The following TNRC6A variants were observed in gnomAD, a reference collection of about 807,000 sequenced individuals.
The protein encoded by TNRC6A is trinucleotide repeat containing adaptor 6A, also known as trinucleotide repeat-containing gene 6A protein.
TNRC6A carries 44 observed loss-of-function variants against 221.2 expected under a neutral mutation model. The observed-to-expected ratio is 0.20, with a 90% confidence interval of 0.16 to 0.26. The LOEUF (loss-of-function observed/expected upper bound fraction) is 0.26, where lower values mean the gene tolerates loss of function less well. Among genes scored for constraint, TNRC6A ranks in the 10% least tolerant of loss-of-function variants. The probability of loss-of-function intolerance (pLI) is 1.00; values close to 1 mark genes in which losing one functional copy is unlikely to be tolerated. For synonymous variants in TNRC6A, 847 were observed against 838.5 expected, an observed-to-expected ratio of 1.01 and a Z score of -0.18; for missense variants, 2,199 against 2,404.4, an observed-to-expected ratio of 0.91 and a Z score of 1.79.
chr16:24,785,633 A>G (rs1260835947), intron 5 of TNRC6A, among the ~76,000 whole-genome samples: 1 of 152,208 alleles, frequency 6.6e-6, no homozygotes, highest in Admixed American at 6.5e-5. Context: ...ACTGGACCAA[A>G]TAGTAGTATT....
intron 2 of TNRC6A, chr16:24,661,636 T>G (rs1808493900): frequency 6.6e-6 from 1 of 152,184 alleles, no homozygotes; most frequent in African/African-American, 2.4e-5. Flanking sequence ...ATGGTCTCGA[T>G]CTCTTCACAT....
At chr16:24,807,192 T>G (rs2058452019) in intron 17 of TNRC6A, among the ~76,000 whole-genome samples, 1 of 151,920 alleles carries the variant, frequency 6.6e-6, no homozygotes, top group Non-Finnish European at 1.5e-5. Context: ...TTTAATAGAT[T>G]TGGGGTTTCA....
chr16:24,785,933 T>A (rs2057956591), intron 5 of TNRC6A, among the ~76,000 whole-genome samples: 1 of 152,170 alleles, frequency 6.6e-6, no homozygotes, highest in Non-Finnish European at 1.5e-5. Flanking sequence ...TGTTTTGGAT[T>A]TGCTGTGCAC....
At chr16:24,688,784 C>A (rs2055692497) in intron 2 of TNRC6A, among the ~76,000 whole-genome samples, 1 of 152,148 alleles carries the variant, frequency 6.6e-6, no homozygotes, top group Non-Finnish European at 1.5e-5. Flanking sequence ...AGGAATGAAC[C>A]AAGGGAAATG....
intron 2 of TNRC6A, among the ~76,000 whole-genome samples, chr16:24,643,997 TC>T (rs1410937429): frequency 2.6e-5 from 4 of 151,422 alleles, no homozygotes; most frequent in African/African-American, 9.7e-5. Context: ...TACATAATTC[TC>T]CCAGCAGGAA....
intron 2 of TNRC6A, among the ~76,000 whole-genome samples, chr16:24,719,385 G>A (rs2056371339): frequency 1.3e-5 from 2 of 152,126 alleles, no homozygotes; most frequent in African/African-American, 4.8e-5. Flanking sequence ...ATCAGTTGGT[G>A]CTGGGCTTGC....
chr16:24,729,702 G>A lies in TNRC6A; in HGVS notation c.-140G>A. 1.9e-6 allele frequency: 2 copies of A among 1,043,184 alleles called. No individual in the cohort carries two copies. The highest frequency in any genetic ancestry group is 3.1e-5 in the South Asian group (1 of 31,854). The allele number at this position is 1,043,184 out of a possible 1,614,324, so 64.6% of individuals were successfully genotyped here. On this transcript the variant is annotated 5_prime_UTR_variant, in exon 1 of 25. Coordinates refer to ENST00000395799, the MANE Select transcript of TNRC6A (RefSeq NM_014494.4). ...GGCGGTGTCGGCGGCGGCGGCGGCG[G>A]CGGCGGCGGCGGCGGCAGCGGGTCG...
In TNRC6A at chr16:24,804,688, TC is replaced by T; in HGVS notation, c.3838-16del. ...TTGCTTGGCTGGTGTTGCACATCTTTCTGTCTGTCCAATCAGGATGGCATTG... is the reference window on the plus strand; with the variant it reads ...TTGCTTGGCTGGTGTTGCACATCTTTTGTCTGTCCAATCAGGATGGCATTG... On this transcript the variant is annotated splice_polypyrimidine_tract_variant and intron_variant, in intron 12 of 24. Coordinates refer to ENST00000395799, the MANE Select transcript of TNRC6A (RefSeq NM_014494.4). 1 of 1,562,676 alleles carries T rather than the reference TC, an allele frequency of 6.4e-7. No homozygotes were observed. Among genetic ancestry groups the T allele is most frequent in the African/African-American group, 1.4e-5 (1 of 72,420 alleles).
At chr16:24,806,381 A>T (rs1461454354) in intron 16 of TNRC6A, 98 bp downstream of exon 16, 5 of 1,482,926 alleles carry the variant, frequency 3.4e-6, no homozygotes, top group African/African-American at 1.4e-5. Flanking sequence ...TTCTTAAAAC[A>T]ATCTTACTAA....
In TNRC6A at chr16:24,630,323, C is replaced by T. The variant is rs575786410; in HGVS notation, n.277-10561C>T. Among the ~76,000 whole-genome samples, 5 of 152,236 alleles carry T rather than the reference C, an allele frequency of 3.3e-5. No individual in the cohort carries two copies. The South Asian group carries it at 1.0e-3, about 32-fold the overall frequency. On this transcript the variant is annotated intron_variant and non_coding_transcript_variant, in intron 1 of 2. Transcript: ENST00000566108. ...TTCACTTCTCATCATCAACATTTCC[C>T]TCTACTGGATCATTTCCATCAGCAT...
intron 4 of TNRC6A, chr16:24,776,457 C>G: frequency 1.0e-6 from 1 of 985,352 alleles, no homozygotes; most frequent in Non-Finnish European, 1.2e-6. Context: ...TGTTTTCTAA[C>G]CTTGTGTTGT....
chr16:24,674,837 G>A (rs1191514084), intron 2 of TNRC6A, among the ~76,000 whole-genome samples: 2 of 151,938 alleles, frequency 1.3e-5, no homozygotes, highest in East Asian at 1.9e-4. Context: ...TCTCTGTCAA[G>A]CCATCCAAAT....
At chr16:24,752,228 T>G (rs543660235) in intron 3 of TNRC6A, among the ~76,000 whole-genome samples, 2 of 152,276 alleles carry the variant, frequency 1.3e-5, no homozygotes, top group South Asian at 4.2e-4. Flanking sequence ...AGAATTTGTT[T>G]AAAGGATATA....
chr16:24,729,964 C>A (rs917578855), intron 1 of TNRC6A, 118 bp downstream of exon 1: 2 of 979,416 alleles, frequency 2.0e-6, no homozygotes, highest in African/African-American at 1.7e-5. Flanking sequence ...AGACTTCGGG[C>A]CTCGGCGGGA....
chr16:24,626,365 T>G (rs544376999), intron 1 of TNRC6A, among the ~76,000 whole-genome samples: 3 of 152,210 alleles, frequency 2.0e-5, no homozygotes, highest in Admixed American at 6.5e-5. Flanking sequence ...ATTTTTACAT[T>G]GAGAAATGAA....
intron 2 of TNRC6A, chr16:24,664,769 T>TCACACACACACA (rs149786252): frequency 4.1e-4 from 125 of 301,636 alleles, no homozygotes; most frequent in Non-Finnish European, 5.9e-4. Context: ...AATCCCCAAA[T>TCACACACACACA]CACACACACA....
intron 17 of TNRC6A, among the ~76,000 whole-genome samples, chr16:24,807,153 G>A (rs1362154210): frequency 6.6e-6 from 1 of 151,838 alleles, no homozygotes; most frequent in Non-Finnish European, 1.5e-5. Context: ...TTACAGGCGC[G>A]CACCACCACG....
intron 2 of TNRC6A, among the ~76,000 whole-genome samples, chr16:24,741,820 G>A (rs1837008474): frequency 6.6e-6 from 1 of 152,094 alleles, no homozygotes; most frequent in Non-Finnish European, 1.5e-5. Flanking sequence ...AGCAATTAGT[G>A]TACACTTTTT....
intron 4 of TNRC6A, among the ~76,000 whole-genome samples, chr16:24,775,534 A>G (rs917299852): frequency 6.6e-6 from 1 of 152,220 alleles, no homozygotes; most frequent in Admixed American, 6.5e-5. Context: ...GAGAGTGTGG[A>G]AGAGGAAGTT....
Sources: allele counts gnomAD v4.1 joint callset (sites outside exome capture counted in the v4.1 genomes callset), GRCh38; gene constraint gnomAD v4.1.1; transcripts MANE v1.5; gene names NCBI Gene and HGNC (gene_info 2026-07-23, HGNC 2026-07-21).